The following CLNK variants were observed in gnomAD, a reference collection of about 807,000 sequenced individuals.
CLNK encodes the protein cytokine dependent hematopoietic cell linker.
In CLNK, 74 loss-of-function variants were observed where a neutral mutation model predicts 68.6. The ratio of observed to expected loss-of-function variants is 1.08; its 90% CI spans 0.89 to 1.31. The LOEUF (loss-of-function observed/expected upper bound fraction) is 1.31. CLNK is among the 50% of genes most tolerant of loss of function. The probability of loss-of-function intolerance (pLI) is 0.00; values close to 1 mark genes in which losing one functional copy is unlikely to be tolerated. For missense variants in CLNK, 553 were observed against 515.3 expected, an observed-to-expected ratio of 1.07 and a Z score of -0.71; for synonymous variants, 198 against 172.2, an observed-to-expected ratio of 1.15 and a Z score of -1.17.
intron 18 of CLNK, among the ~76,000 whole-genome samples, chr4:10,494,249 C>CA (rs1204564203): frequency 1.3e-5 from 2 of 152,132 alleles, no homozygotes; most frequent in African/African-American, 4.8e-5. Flanking sequence ...ATCCACATCA[C>CA]AAAAAAGGAA....
chr4:10,502,842 GA>G (rs1382777902), intron 17 of CLNK, among the ~76,000 whole-genome samples: 5 of 152,070 alleles, frequency 3.3e-5, no homozygotes, highest in African/African-American at 1.2e-4. Flanking sequence ...GGAGATGCCT[GA>G]AAGATGACGG....
chr4:10,596,482 TATC>T (rs552675946), intron 3 of CLNK, among the ~76,000 whole-genome samples: 262 of 152,346 alleles, frequency 1.7e-3, no homozygotes, highest in African/African-American at 6.2e-3. Flanking sequence ...TTCCTTATCT[TATC>T]ATCATCAAAT....
Position 10,667,244 on chromosome 4 carries a change from T to G in CLNK, c.11+615A>C, listed in dbSNP as rs764254589. 2.1e-4 allele frequency among the ~76,000 whole-genome samples: 32 copies of G among 152,152 alleles called. 1 individual carries two copies. Among genetic ancestry groups the G allele is most frequent in the Non-Finnish European group, 1.6e-4 (11 of 68,032 alleles). ...CCAAAGAGGAATAACAAAACTACCTTTCTGACTGGTAAAATAAAGCAAATA... is the reference window on the plus strand; with the variant it reads ...CCAAAGAGGAATAACAAAACTACCTGTCTGACTGGTAAAATAAAGCAAATA... On this transcript the variant is annotated intron_variant, in intron 2 of 18. Coordinates refer to ENST00000226951, the MANE Select transcript of CLNK (RefSeq NM_052964.4).
At chr4:10,587,821 C>T (rs1027901284) in intron 3 of CLNK, among the ~76,000 whole-genome samples, 8 of 152,178 alleles carry the variant, frequency 5.3e-5, no homozygotes, top group African/African-American at 9.7e-5. Context: ...TCCCTACTGT[C>T]TCCCCTACCC....
chr4:10,706,607 T>C, the CLNK span, among the ~76,000 whole-genome samples: 2 of 152,284 alleles, frequency 1.3e-5, no homozygotes, highest in Non-Finnish European at 2.9e-5. Context: ...ACATCTCCTA[T>C]GGGTGTCCTG....
chr4:10,731,760 A>G, the CLNK span, among the ~76,000 whole-genome samples: 1 of 152,240 alleles, frequency 6.6e-6, no homozygotes, highest in African/African-American at 2.4e-5. Context: ...GAATCCATAC[A>G]TGTAGTAGTA....
chr4:10,664,495 T>C (rs1724317375), intron 2 of CLNK, among the ~76,000 whole-genome samples: 2 of 152,198 alleles, frequency 1.3e-5, no homozygotes, highest in African/African-American at 4.8e-5. Flanking sequence ...GACATGTGGC[T>C]CCTTCTCTGA....
chr4:10,691,871 G>C, the CLNK span, among the ~76,000 whole-genome samples: 1 of 152,220 alleles, frequency 6.6e-6, no homozygotes, highest in East Asian at 1.9e-4. Flanking sequence ...CTTCTTATTA[G>C]TACATGTGAT....
chr4:10,659,569 C>T (rs1724113951), intron 2 of CLNK, among the ~76,000 whole-genome samples: 1 of 152,190 alleles, frequency 6.6e-6, no homozygotes, highest in Non-Finnish European at 1.5e-5. Context: ...CATCTCCTTT[C>T]ACGGATTACC....
intron 17 of CLNK, among the ~76,000 whole-genome samples, chr4:10,506,446 T>G (rs1717297505): frequency 6.6e-6 from 1 of 152,164 alleles, no homozygotes; most frequent in South Asian, 2.1e-4. Context: ...AAAGTTTCAT[T>G]ATGTTAAGCA....
chr4:10,589,571 C>T (rs1012027689), intron 3 of CLNK, among the ~76,000 whole-genome samples: 2 of 145,808 alleles, frequency 1.4e-5, no homozygotes, highest in African/African-American at 2.5e-5. Context: ...TCCAGCTGAG[C>T]CTGCTGCTGT....
intron 18 of CLNK, among the ~76,000 whole-genome samples, chr4:10,495,864 G>T (rs151093593): frequency 8.8e-4 from 134 of 152,198 alleles, no homozygotes; most frequent in African/African-American, 2.9e-3. Flanking sequence ...TGATCATAGA[G>T]GCAGAGACTG....
At chr4:10,646,644 C>T (rs552144473) in intron 2 of CLNK, among the ~76,000 whole-genome samples, 12 of 151,916 alleles carry the variant, frequency 7.9e-5, no homozygotes, top group Admixed American at 1.3e-4. Context: ...GTCCCAGCCA[C>T]ACTGCAATCA....
intron 14 of CLNK, among the ~76,000 whole-genome samples, chr4:10,521,758 C>T (rs1262025852): frequency 3.9e-5 from 6 of 152,118 alleles, no homozygotes; most frequent in Non-Finnish European, 5.9e-5. Flanking sequence ...GATTTGACTC[C>T]GTTAAAACCA....
At chr4:10,492,870 G>T (rs535892947) in intron 18 of CLNK, among the ~76,000 whole-genome samples, 15 of 152,228 alleles carry the variant, frequency 9.9e-5, no homozygotes, top group Admixed American at 2.0e-4. Context: ...CTTCTCTCCC[G>T]CCTGAGCTCA....
At chr4:10,561,393 C>G (rs1219940152) in intron 7 of CLNK, among the ~76,000 whole-genome samples, 1 of 151,926 alleles carries the variant, frequency 6.6e-6, no homozygotes, top group African/African-American at 2.4e-5. Context: ...CAGGAAGCTA[C>G]AAAGATGATA....
chr4:10,541,976 T>C, intron 10 of CLNK, 46 bp downstream of exon 10: 1 of 1,388,848 alleles, frequency 7.2e-7, no homozygotes, highest in African/African-American at 1.5e-5. Flanking sequence ...TGGCACAAAT[T>C]ATTTCATTGT....
chr4:10,495,877 G>A (rs1716792630), intron 18 of CLNK, among the ~76,000 whole-genome samples: 2 of 152,090 alleles, frequency 1.3e-5, no homozygotes, highest in Admixed American at 6.5e-5. Context: ...AGAGACTGGA[G>A]CGACGTGGCC....
At chr4:10,690,155 C>T in the CLNK span, among the ~76,000 whole-genome samples, 18 of 152,222 alleles carry the variant, frequency 1.2e-4, no homozygotes, top group Non-Finnish European at 2.4e-4. Context: ...ACACGGTTGG[C>T]ATTCAAACAC....
Sources: allele counts gnomAD v4.1 joint callset (sites outside exome capture counted in the v4.1 genomes callset), GRCh38; gene constraint gnomAD v4.1.1; transcripts MANE v1.5; gene names NCBI Gene and HGNC (gene_info 2026-07-23, HGNC 2026-07-21).